The following SDK1 variants were observed in gnomAD, a reference collection of about 807,000 sequenced individuals.
The protein encoded by SDK1 is sidekick cell adhesion molecule 1, also known as protein sidekick-1.
Under a neutral mutation model 245.5 loss-of-function variants are expected in SDK1, and 157 were observed. The ratio of observed to expected loss-of-function variants is 0.64; its 90% CI spans 0.56 to 0.73. The LOEUF (loss-of-function observed/expected upper bound fraction) is 0.73, where lower values mean the gene tolerates loss of function less well. Among genes scored for constraint, SDK1 ranks in the 30% least tolerant of loss-of-function variants. SDK1 has a pLI of 0.00. For missense variants in SDK1, 3,583 were observed against 3,002.3 expected (o/e 1.19, Z -4.52); for synonymous variants, 1,647 against 1,278.5 (o/e 1.29, Z -6.15).
At position 3,705,471 on chromosome 7, in the gene SDK1, ATTTTATTTTATTTTATTTTATT is replaced by A. The variant is rs1377991870; in HGVS notation, c.713+63381_713+63402del. Among the ~76,000 whole-genome samples the A allele has an allele frequency of 4.3e-3, 590 of 136,256 alleles. 6 individuals are homozygous for A. Among genetic ancestry groups the A allele is most frequent in the African/African-American group, 0.018 (554 of 31,210 alleles). 89.4% of individuals were successfully genotyped at this position (136,256 alleles called of 152,430 possible). ...ATTTTATTTTATTTTATTTTATTTT[ATTTTATTTTATTTTATTTTATT>A]TTTTATTTTATTTTTGCAGCTTTTG... is the stretch of plus-strand genomic sequence containing the variant. On this transcript the variant is annotated intron_variant, in intron 4 of 44. Transcript: ENST00000404826.
chr7:4,080,140 G>T (rs902009630), intron 22 of SDK1, among the ~76,000 whole-genome samples: 3 of 152,144 alleles, frequency 2.0e-5, no homozygotes, highest in Admixed American at 6.5e-5. Flanking sequence ...AGCGAGGAGG[G>T]TGGGTGCTGG....
At chr7:3,532,784 T>C (rs1249749995) in intron 1 of SDK1, among the ~76,000 whole-genome samples, 1 of 152,216 alleles carries the variant, frequency 6.6e-6, no homozygotes. Context: ...AAGCCTTGTC[T>C]AGTTTACAGC....
chr7:4,261,495 C>T (rs933294657), intron 44 of SDK1, among the ~76,000 whole-genome samples: 1 of 152,142 alleles, frequency 6.6e-6, no homozygotes, highest in African/African-American at 2.4e-5. Flanking sequence ...GCTGCTGTGG[C>T]TGGCAATGGG....
chr7:4,100,686 G>A (rs372289490), intron 22 of SDK1, among the ~76,000 whole-genome samples: 4 of 152,132 alleles, frequency 2.6e-5, no homozygotes, highest in African/African-American at 9.7e-5. Context: ...CAGTCCCAGC[G>A]CTGTGAGGAA....
intron 4 of SDK1, among the ~76,000 whole-genome samples, chr7:3,810,710 A>G (rs1178442634): frequency 1.3e-5 from 2 of 152,214 alleles, no homozygotes; most frequent in Non-Finnish European, 2.9e-5. Context: ...ACTAGACAGC[A>G]TCTTTCCTAA....
At chr7:3,488,093 A>T (rs909814858) in intron 1 of SDK1, among the ~76,000 whole-genome samples, 3 of 151,786 alleles carry the variant, frequency 2.0e-5, no homozygotes, top group Non-Finnish European at 2.9e-5. Context: ...TTTCAGTTCA[A>T]CTCTTGTGCA....
At chr7:3,632,342 C>A (rs1305927992) in intron 2 of SDK1, among the ~76,000 whole-genome samples, 1 of 152,184 alleles carries the variant, frequency 6.6e-6, no homozygotes, top group African/African-American at 2.4e-5. Flanking sequence ...AAACGGGAAT[C>A]CCAGAGGAGG....
At chr7:3,409,785 G>A (rs1779150256) in intron 1 of SDK1, among the ~76,000 whole-genome samples, 2 of 152,138 alleles carry the variant, frequency 1.3e-5, no homozygotes, top group Admixed American at 1.3e-4. Flanking sequence ...GGGTGGAGGG[G>A]ATTGAGGTGT....
intron 1 of SDK1, among the ~76,000 whole-genome samples, chr7:3,342,580 C>G (rs1016507034): frequency 6.6e-6 from 1 of 151,358 alleles, no homozygotes; most frequent in Admixed American, 6.6e-5. Flanking sequence ...AAGAGCGAAA[C>G]TCCATCTCAA....
In SDK1 at chr7:4,268,778, A is replaced by G; in HGVS notation, c.*3394A>G. ...TGGATCCAGTCTGAAAGGTGAGGAC[A>G]ACGTGGAAACTCATGAGCTGAGCCT... On this transcript the variant is annotated 3_prime_UTR_variant, in exon 45 of 45. Coordinates refer to ENST00000404826, the MANE Select transcript of SDK1 (RefSeq NM_152744.4). The G allele has an allele frequency of 2.9e-6, 4 of 1,362,004 alleles. No individual in the cohort carries two copies. The highest frequency in any genetic ancestry group is 3.9e-6 in the Non-Finnish European group (4 of 1,016,744). The allele number at this position is 1,362,004 out of a possible 1,614,324, so 84.4% of individuals were successfully genotyped here. A position where few individuals can be genotyped will look rare whatever the true frequency, so the allele number is the denominator to read the frequency against.
At chr7:3,416,876 A>G (rs961010953) in intron 1 of SDK1, among the ~76,000 whole-genome samples, 1 of 152,112 alleles carries the variant, frequency 6.6e-6, no homozygotes, top group African/African-American at 2.4e-5. Flanking sequence ...AGAAAGTGAT[A>G]AAAGTGAGCC....
intron 1 of SDK1, among the ~76,000 whole-genome samples, chr7:3,342,491 G>A (rs1324349000): frequency 6.6e-6 from 1 of 152,134 alleles, no homozygotes; most frequent in Non-Finnish European, 1.5e-5. Context: ...AGGAGGCTGA[G>A]GCAGGAGACT....
intron 1 of SDK1, among the ~76,000 whole-genome samples, chr7:3,392,231 C>A (rs1338466986): frequency 6.6e-6 from 1 of 152,054 alleles, no homozygotes; most frequent in Non-Finnish European, 1.5e-5. Flanking sequence ...TGTACTCTAG[C>A]AAATTCCACT....
rs777383687 is a variant in SDK1 at position 4,077,076 on chromosome 7, A to G, written c.3089A>G (p.Tyr1030Cys). The G allele has an allele frequency of 9.3e-6, 15 of 1,614,094 alleles. No individual in the cohort carries two copies. Among genetic ancestry groups the G allele is most frequent in the South Asian group, 5.5e-5 (5 of 91,086 alleles). ...ACCCTGAACAGCACGACGCACGAGT[A>G]CAAGATCCAAGGCCTCTCATCTCTC... ...THTLNSTTHEYKIQGLSSLTT... is the reference protein window; with the variant it reads ...THTLNSTTHECKIQGLSSLTT... Residue 1030 changes from tyrosine (Y) to cysteine (C), a missense_variant, in exon 21 of 45, where the codon TAC becomes TGC. Tyr to Cys is a radical substitution (Grantham distance 194). Coordinates refer to ENST00000404826, the MANE Select transcript of SDK1 (RefSeq NM_152744.4).
intron 1 of SDK1, among the ~76,000 whole-genome samples, chr7:3,544,476 C>T (rs895492091): frequency 1.3e-5 from 2 of 152,212 alleles, no homozygotes; most frequent in South Asian, 4.1e-4. Flanking sequence ...AAGTCTTTCC[C>T]AGTCACTTCT....
intron 6 of SDK1, among the ~76,000 whole-genome samples, 187 bp downstream of exon 6, chr7:3,951,221 C>CTGGAA (rs1322448467): frequency 6.6e-6 from 1 of 151,934 alleles, no homozygotes; most frequent in African/African-American, 2.4e-5. Flanking sequence ...CTTCCAGAGT[C>CTGGAA]CCCCACTGCA....
chr7:3,954,014 G>A (rs1781039607), intron 7 of SDK1, among the ~76,000 whole-genome samples: 1 of 152,084 alleles, frequency 6.6e-6, no homozygotes, highest in Admixed American at 6.5e-5. Flanking sequence ...CTGTCAAAAG[G>A]GCCACCCGTA....
At chr7:4,013,339 A>C (rs1344742227) in intron 16 of SDK1, among the ~76,000 whole-genome samples, 4 of 152,250 alleles carry the variant, frequency 2.6e-5, no homozygotes, top group African/African-American at 9.6e-5. Context: ...GCAGAATTGC[A>C]TAATAATTAT....
chr7:4,178,234 C>T (rs568004429), intron 34 of SDK1, among the ~76,000 whole-genome samples: 8 of 152,300 alleles, frequency 5.3e-5, no homozygotes, highest in East Asian at 1.9e-4. Flanking sequence ...GAGGGAGCTC[C>T]GTGCTGCCTC....
Sources: allele counts gnomAD v4.1 joint callset (sites outside exome capture counted in the v4.1 genomes callset), GRCh38; gene constraint gnomAD v4.1.1; transcripts MANE v1.5; gene names NCBI Gene and HGNC (gene_info 2026-07-23, HGNC 2026-07-21).